Variants in CHCHD3 observed in about 807,000 individuals in gnomAD.
The protein encoded by CHCHD3 is coiled-coil-helix-coiled-coil-helix domain containing 3, also known as MICOS complex subunit MIC19.
A neutral mutation model predicts 38.2 loss-of-function variants in CHCHD3; 20 were observed. That is an observed-to-expected ratio of 0.52 (90% CI 0.37 to 0.76). CHCHD3 has a LOEUF of 0.76. Among genes scored for constraint, CHCHD3 ranks in the 30% least tolerant of loss-of-function variants. The probability of loss-of-function intolerance (pLI) is 0.00; values close to 1 mark genes in which losing one functional copy is unlikely to be tolerated. For missense variants in CHCHD3, 245 were observed against 279.2 expected, an observed-to-expected ratio of 0.88 and a Z score of 0.87; for synonymous variants, 82 against 100.0, an observed-to-expected ratio of 0.82 and a Z score of 1.07.
At chr7:132,893,814 C>T (rs1809428405) in intron 4 of CHCHD3, among the ~76,000 whole-genome samples, 2 of 152,300 alleles carry the variant, frequency 1.3e-5, no homozygotes, top group Middle Eastern at 3.4e-3. Context: ...AAAAAGGTGC[C>T]TGCTTCCCCT....
At chr7:132,945,597 A>G (rs1810878839) in intron 4 of CHCHD3, among the ~76,000 whole-genome samples, 1 of 151,936 alleles carries the variant, frequency 6.6e-6, no homozygotes, top group Non-Finnish European at 1.5e-5. Flanking sequence ...AAGAAAACAC[A>G]TATGAGAGTA....
At chr7:132,809,690 T>C (rs1363171366) in intron 6 of CHCHD3, among the ~76,000 whole-genome samples, 1 of 152,210 alleles carries the variant, frequency 6.6e-6, no homozygotes, top group Non-Finnish European at 1.5e-5. Flanking sequence ...ATTTGCAAGG[T>C]TGTTTTCAAA....
chr7:132,812,669 C>A (rs1474922746), intron 6 of CHCHD3, among the ~76,000 whole-genome samples: 2 of 152,174 alleles, frequency 1.3e-5, no homozygotes, highest in Non-Finnish European at 1.5e-5. Context: ...ACAACAACAA[C>A]CAGAGTGCCC....
At chr7:133,017,575 A>C (rs1813063957) in intron 3 of CHCHD3, among the ~76,000 whole-genome samples, 2 of 152,188 alleles carry the variant, frequency 1.3e-5, no homozygotes, top group Admixed American at 1.3e-4. Context: ...ACTTCACGAG[A>C]GAAAACACTG....
At chr7:133,015,064 A>G (rs1449922801) in intron 3 of CHCHD3, among the ~76,000 whole-genome samples, 1 of 152,224 alleles carries the variant, frequency 6.6e-6, no homozygotes, top group Non-Finnish European at 1.5e-5. Context: ...GTATAGAGCC[A>G]GGCACAGTGG....
chr7:132,870,192 A>G (rs1207651164), intron 5 of CHCHD3, among the ~76,000 whole-genome samples: 4 of 151,986 alleles, frequency 2.6e-5, no homozygotes, highest in African/African-American at 9.7e-5. Context: ...CTCTAAAAAA[A>G]TACAAAAATT....
chr7:133,000,077 CAAAG>C (rs1179610546), intron 3 of CHCHD3, among the ~76,000 whole-genome samples: 1 of 152,044 alleles, frequency 6.6e-6, no homozygotes, highest in Non-Finnish European at 1.5e-5. Flanking sequence ...CAAAAAGTGA[CAAAG>C]AGAAACAAAA....
chr7:132,917,985 G>T (rs192008963), intron 4 of CHCHD3, among the ~76,000 whole-genome samples: 80 of 151,510 alleles, frequency 5.3e-4, no homozygotes, highest in African/African-American at 1.8e-3. Flanking sequence ...AAACAAAAGA[G>T]AAAAGATCAG....
At chr7:132,908,723 C>T (rs1016808063) in intron 4 of CHCHD3, among the ~76,000 whole-genome samples, 22 of 152,192 alleles carry the variant, frequency 1.4e-4, no homozygotes, top group South Asian at 4.2e-4. Flanking sequence ...GGAAGACAGA[C>T]ACAAAGGAAT....
chr7:132,959,040 C>A (rs1260896992), intron 4 of CHCHD3, among the ~76,000 whole-genome samples: 1 of 152,164 alleles, frequency 6.6e-6, no homozygotes, highest in African/African-American at 2.4e-5. Context: ...GCCCTTAATT[C>A]TATCTTGAGA....
rs1170313958 is a variant in CHCHD3 at position 132,845,384 on chromosome 7, A to T, written c.454-6915T>A. On this transcript the variant is annotated intron_variant, in intron 5 of 7. Transcript: ENST00000262570. ...CATTTTAATAAAAATTTAAATCTGT[A>T]AAACAAAAGCCTATTCTTCCATTAA... Among the ~76,000 whole-genome samples the T allele has an allele frequency of 2.0e-5, 3 of 152,324 alleles. No individual in the cohort carries two copies. In the East Asian group the frequency reaches 5.8e-4, roughly 29 times the overall value.
At chr7:132,973,781 A>T in intron 4 of CHCHD3, 1 of 1,085,866 alleles carries the variant, frequency 9.2e-7, no homozygotes, top group Non-Finnish European at 1.1e-6. Flanking sequence ...GAGACTAGAA[A>T]TGAGCCTTCT....
intron 7 of CHCHD3, among the ~76,000 whole-genome samples, chr7:132,792,465 A>G (rs1047850154): frequency 6.6e-6 from 1 of 152,142 alleles, no homozygotes; most frequent in African/African-American, 2.4e-5. Context: ...TAGCAGTGGG[A>G]GGCCAGGCAG....
At chr7:132,998,296 A>G (rs1215132909) in intron 3 of CHCHD3, among the ~76,000 whole-genome samples, 1 of 152,216 alleles carries the variant, frequency 6.6e-6, no homozygotes, top group Non-Finnish European at 1.5e-5. Flanking sequence ...TCCTGAATAT[A>G]AGTTTTAATA....
chr7:133,067,481 G>A (rs752330527), intron 2 of CHCHD3, among the ~76,000 whole-genome samples: 20 of 152,136 alleles, frequency 1.3e-4, no homozygotes, highest in African/African-American at 3.6e-4. Context: ...AACATTTTCC[G>A]TATTTTAAGT....
intron 3 of CHCHD3, among the ~76,000 whole-genome samples, chr7:133,011,121 T>C (rs1219992884): frequency 6.6e-6 from 1 of 151,990 alleles, no homozygotes; most frequent in Non-Finnish European, 1.5e-5. Flanking sequence ...CACAAACAGG[T>C]TTGGCAGCCG....
At chr7:132,807,510 G>C (rs531967054) in intron 6 of CHCHD3, among the ~76,000 whole-genome samples, 166 of 150,664 alleles carry the variant, frequency 1.1e-3, no homozygotes, top group African/African-American at 3.9e-3. Flanking sequence ...AGAGTTTATG[G>C]ATGCTAGACA....
intron 2 of CHCHD3, among the ~76,000 whole-genome samples, chr7:133,059,773 C>G (rs1315987672): frequency 6.6e-6 from 1 of 152,170 alleles, no homozygotes; most frequent in Non-Finnish European, 1.5e-5. Flanking sequence ...TGGAACCAAC[C>G]TAAGAGAAAG....
At chr7:132,850,764 C>T (rs889331262) in intron 5 of CHCHD3, among the ~76,000 whole-genome samples, 14 of 151,946 alleles carry the variant, frequency 9.2e-5, no homozygotes, top group South Asian at 2.1e-4. Context: ...ATGAAGGAGA[C>T]GGACATAAAT....
Sources: allele counts gnomAD v4.1 joint callset (sites outside exome capture counted in the v4.1 genomes callset), GRCh38; gene constraint gnomAD v4.1.1; transcripts MANE v1.5; gene names NCBI Gene and HGNC (gene_info 2026-07-23, HGNC 2026-07-21).